Variants in INTS13 observed in about 807,000 individuals in gnomAD.
INTS13 encodes the protein integrator complex subunit 13, also known as asunder, spermatogenesis regulator homolog (Drosphila).
Under a neutral mutation model 90.2 loss-of-function variants are expected in INTS13, and 35 were observed. That is an observed-to-expected ratio of 0.39 (90% CI 0.30 to 0.51). The LOEUF (loss-of-function observed/expected upper bound fraction) is 0.51, where lower values mean the gene tolerates loss of function less well. Ranked by LOEUF, INTS13 falls within the 20% of genes least tolerant of loss-of-function variation. The pLI, the probability that INTS13 is intolerant of heterozygous loss-of-function variation, is 0.80. For synonymous variants in INTS13, 309 were observed against 277.1 expected, an observed-to-expected ratio of 1.11 and a Z score of -1.14; for missense variants, 601 against 851.2, an observed-to-expected ratio of 0.71 and a Z score of 3.66.
intron 5 of INTS13, among the ~76,000 whole-genome samples, chr12:26,927,953 C>A (rs1245996498): frequency 1.3e-5 from 2 of 152,060 alleles, no homozygotes; most frequent in Non-Finnish European, 2.9e-5. Context: ...GAGAAAAAAA[C>A]CATCAAAACA....
At chr12:26,914,253 C>A in intron 12 of INTS13, 125 bp from the exon 13 acceptor site, 5 of 1,168,794 alleles carry the variant, frequency 4.3e-6, no homozygotes, top group Non-Finnish European at 5.8e-6. Flanking sequence ...CTATAACTAT[C>A]ACTTCAATTT....
intron 3 of INTS13, among the ~76,000 whole-genome samples, chr12:26,932,554 T>A (rs1340734385): frequency 6.6e-6 from 1 of 151,886 alleles, no homozygotes; most frequent in East Asian, 1.9e-4. Context: ...CATAAGAGAG[T>A]AAAGGTAAGA....
Position 26,925,864 on chromosome 12 carries a change from T to G in INTS13, c.585-13A>C. ...AATCTGCATGAGACTTAAAGAGAAA[T>G]TTTTGACTTAAAATTTAAGAATACA... On this transcript the variant is annotated splice_polypyrimidine_tract_variant and intron_variant, in intron 5 of 16. Transcript: ENST00000261191. The G allele has an allele frequency of 6.3e-7, 1 of 1,595,992 alleles. No individual in the cohort carries two copies. Among genetic ancestry groups the G allele is most frequent in the Non-Finnish European group, 8.6e-7 (1 of 1,165,168 alleles).
chr12:26,937,999 A>G (rs904526833), upstream of INTS13: 1 of 152,194 alleles, frequency 6.6e-6, no homozygotes, highest in Non-Finnish European at 1.5e-5. Flanking sequence ...GTGCGCGTGC[A>G]CACACACACA....
chr12:26,936,861 T>C, intron 1 of INTS13, 47 bp from the exon 2 acceptor site: 1 of 1,257,262 alleles, frequency 8.0e-7, no homozygotes, highest in Non-Finnish European at 1.1e-6. Flanking sequence ...CATAACATCT[T>C]ACATTTTTTC....
At chr12:26,922,534 T>C in intron 8 of INTS13, 82 bp downstream of exon 8, 2 of 1,033,192 alleles carry the variant, frequency 1.9e-6, no homozygotes, top group Non-Finnish European at 2.8e-6. Flanking sequence ...TCTTGGAATG[T>C]CTTCCCTGAG....
chr12:26,917,779 A>G (rs2137462422), intron 8 of INTS13, 46 bp from the exon 9 acceptor site: 2 of 1,342,124 alleles, frequency 1.5e-6, no homozygotes, highest in East Asian at 2.3e-5. Flanking sequence ...ACATGTATCA[A>G]AACATCACAC....
At chr12:26,926,724 T>G (rs1937895870) in intron 5 of INTS13, among the ~76,000 whole-genome samples, 3 of 152,228 alleles carry the variant, frequency 2.0e-5, no homozygotes, top group Admixed American at 2.0e-4. Flanking sequence ...CTCTAATATT[T>G]GGTTTCTGAC....
chr12:26,919,111 G>A (rs1177907920), intron 8 of INTS13: 2 of 310,626 alleles, frequency 6.4e-6, no homozygotes, highest in Admixed American at 3.1e-5. Context: ...ATGCTGCAGT[G>A]AGCTATGATC....
chr12:26,928,676 A>T (rs558916368), intron 4 of INTS13, 27 bp downstream of exon 4: 5 of 1,607,100 alleles, frequency 3.1e-6, no homozygotes, highest in Admixed American at 3.3e-5. Flanking sequence ...TCCCACAGTG[A>T]AAGAATTGCT....
chr12:26,908,885 G>A (rs923921824), intron 15 of INTS13, among the ~76,000 whole-genome samples: 2 of 152,082 alleles, frequency 1.3e-5, no homozygotes, highest in Admixed American at 6.5e-5. Flanking sequence ...AATATTTCCA[G>A]GGCGAAAAAC....
At position 26,905,427 on chromosome 12, in the gene INTS13, A is replaced by G; in HGVS notation, c.*70T>C. The G allele has an allele frequency of 2.1e-6, 3 of 1,405,104 alleles. No homozygotes were observed. Among genetic ancestry groups the G allele is most frequent in the Non-Finnish European group, 3.0e-6 (3 of 1,001,202 alleles). The allele number at this position is 1,405,104 out of a possible 1,614,324, so 87.0% of individuals were successfully genotyped here. On this transcript the variant is annotated 3_prime_UTR_variant, in exon 17 of 17. Transcript: ENST00000261191. ...AACATAACTATACCATCTTGCTGTAAAAGTACTTATATCGAATTCCGCACA... is the reference window on the plus strand; with the variant it reads ...AACATAACTATACCATCTTGCTGTAGAAGTACTTATATCGAATTCCGCACA...
rs910085444 is a variant in INTS13 at position 26,914,044 on chromosome 12, C to T, written c.1504G>A (p.Val502Ile). Residue 502 changes from valine to isoleucine, a missense_variant, in exon 13 of 17, where the codon GTT becomes ATT. Around this residue, in one of 3 missense-constraint regions of INTS13, gnomAD observed 228 missense variants for 272.5 expected, o/e 0.84. Coordinates refer to ENST00000261191, the MANE Select transcript of INTS13 (RefSeq NM_018164.3). ...LNCQKTIYNL[V>I]DMERKNDPLP... ...GGATCATTTTTTCTTTCCATATCAA[C>T]TAAGTTGTATATTGTTTTTTGACAG... is the stretch of plus-strand genomic sequence containing the variant. 1 of 1,611,408 alleles carries T rather than the reference C, an allele frequency of 6.2e-7. No individual in the cohort carries two copies. The highest frequency in any genetic ancestry group is 8.5e-7 in the Non-Finnish European group (1 of 1,178,992).
intron 2 of INTS13, among the ~76,000 whole-genome samples, chr12:26,935,601 T>C (rs546216036): frequency 1.3e-5 from 2 of 152,346 alleles, no homozygotes; most frequent in African/African-American, 4.8e-5. Context: ...TTAAGAAATA[T>C]GATCAAAGTC....
At chr12:26,914,219 T>A in intron 12 of INTS13, 91 bp from the exon 13 acceptor site, 1 of 1,288,922 alleles carries the variant, frequency 7.8e-7, no homozygotes, top group Non-Finnish European at 1.0e-6. Context: ...GAAAGGATTT[T>A]AAAGATTATC....
chr12:26,933,386 C>T (rs776450006), intron 3 of INTS13, among the ~76,000 whole-genome samples: 2 of 152,138 alleles, frequency 1.3e-5, no homozygotes, highest in East Asian at 3.8e-4. Flanking sequence ...CCAAGGCACA[C>T]CACTGAGATT....
At position 26,905,474 on chromosome 12, in the gene INTS13, A is replaced by T. The variant is rs756712075; in HGVS notation, c.*23T>A. 24 of 1,607,226 alleles carry T rather than the reference A, an allele frequency of 1.5e-5. No homozygotes were observed. Among genetic ancestry groups the T allele is most frequent in the Non-Finnish European group, 2.0e-5 (23 of 1,176,936 alleles). ...CACAAAATATTTTTGCAATATGCTA[A>T]ATTTAGTTCTTCAAGTCACTCTTCA... On this transcript the variant is annotated 3_prime_UTR_variant, in exon 17 of 17. Transcript: ENST00000261191.
chr12:26,923,426 A>G (rs1022856716), intron 7 of INTS13, among the ~76,000 whole-genome samples: 5 of 152,332 alleles, frequency 3.3e-5, no homozygotes, highest in African/African-American at 1.2e-4. Flanking sequence ...CAATGAAAAG[A>G]TTATAATTCT....
At chr12:26,932,814 G>A (rs1938268286) in intron 3 of INTS13, among the ~76,000 whole-genome samples, 1 of 152,188 alleles carries the variant, frequency 6.6e-6, no homozygotes, top group South Asian at 2.1e-4. Context: ...ATATTTGGAG[G>A]TTCCCTAGTG....
Sources: gnomAD v4.1 joint callset for allele counts (sites outside exome capture counted in the v4.1 genomes callset) on GRCh38, gnomAD v4.1.1 for gene constraint, gnomAD v4.1.1 regional missense constraint, MANE v1.5 for transcripts, NCBI Gene and HGNC (gene_info 2026-07-23, HGNC 2026-07-21) for gene names.